Variants in EBF2 observed in about 807,000 individuals in gnomAD.
EBF2 encodes the protein transcription factor COE2.
Under a neutral mutation model 72.8 loss-of-function variants are expected in EBF2, and 21 were observed. That is an observed-to-expected ratio of 0.29 (90% CI 0.20 to 0.42). The LOEUF (loss-of-function observed/expected upper bound fraction) is 0.42, where lower values mean the gene tolerates loss of function less well. EBF2 is among the 10% of genes least tolerant of loss of function. The pLI, the probability that EBF2 is intolerant of heterozygous loss-of-function variation, is 1.00. For missense variants in EBF2, 637 were observed against 731.2 expected, an observed-to-expected ratio of 0.87 and a Z score of 1.49; for synonymous variants, 299 against 274.2, an observed-to-expected ratio of 1.09 and a Z score of -0.89.
intron 6 of EBF2, among the ~76,000 whole-genome samples, chr8:26,010,352 C>G (rs1804957730): frequency 6.6e-6 from 1 of 152,216 alleles, no homozygotes; most frequent in Admixed American, 6.5e-5. Context: ...TTTCAGGGGC[C>G]CATCAGGGCG....
rs532406564 is a variant in EBF2 at position 25,874,489 on chromosome 8, G to A, written c.1010-11692C>T. On this transcript the variant is annotated intron_variant, in intron 10 of 15. Transcript: ENST00000520164. ...GGGGGTTAGTTAGCATGAATTATCT[G>A]GTTTCTTGGTGCATCTCAACTAGCA... Among the ~76,000 whole-genome samples the A allele has an allele frequency of 2.4e-4, 36 of 152,114 alleles. No homozygotes were observed. The South Asian group carries it at 7.3e-3, about 31-fold the overall frequency.
chr8:26,011,927 CT>C (rs1381978160), intron 6 of EBF2, among the ~76,000 whole-genome samples: 1 of 152,060 alleles, frequency 6.6e-6, no homozygotes, highest in Admixed American at 6.6e-5. Flanking sequence ...ATGCCTCCTC[CT>C]GAGTGGGTTA....
At chr8:25,919,507 G>A (rs1290846386) in intron 6 of EBF2, among the ~76,000 whole-genome samples, 1 of 152,122 alleles carries the variant, frequency 6.6e-6, no homozygotes, top group East Asian at 1.9e-4. Context: ...AATGTGTTTA[G>A]CTTTCTATTA....
At chr8:26,033,009 A>G (rs1805434381) in intron 6 of EBF2, 76 bp downstream of exon 6, 30 of 1,375,950 alleles carry the variant, frequency 2.2e-5, no homozygotes, top group Non-Finnish European at 3.0e-5. Context: ...GCAAAGCTCC[A>G]TGGATCAGTA....
chr8:25,999,983 A>C (rs962047547), intron 6 of EBF2, among the ~76,000 whole-genome samples: 7 of 152,142 alleles, frequency 4.6e-5, no homozygotes, highest in African/African-American at 1.7e-4. Context: ...CAACTCAAAA[A>C]CAAGGGACCT....
chr8:25,951,889 T>G (rs75127343), intron 6 of EBF2, among the ~76,000 whole-genome samples: 171 of 152,312 alleles, frequency 1.1e-3, no homozygotes, highest in African/African-American at 3.7e-3. Context: ...CGGAAATCAT[T>G]TTTCATTAAT....
intron 5 of EBF2, among the ~76,000 whole-genome samples, chr8:26,036,411 T>C (rs1478269871): frequency 1.3e-5 from 2 of 152,166 alleles, no homozygotes; most frequent in East Asian, 3.8e-4. Flanking sequence ...GCACAAAACA[T>C]ACATAGAACA....
chr8:25,914,182 C>T (rs4577965), intron 6 of EBF2, among the ~76,000 whole-genome samples: 80,334 of 152,130 alleles, frequency 0.53, 23,813 homozygotes, highest in East Asian at 0.74. Flanking sequence ...CTCATAGCAA[C>T]TCACTCTGCT....
chr8:26,005,561 T>G (rs190244548), intron 6 of EBF2, among the ~76,000 whole-genome samples: 33,911 of 63,972 alleles, frequency 0.53, 9,530 homozygotes, highest in Non-Finnish European at 0.57. Context: ...TATATATATA[T>G]AGAGAGAGAG....
intron 7 of EBF2, among the ~76,000 whole-genome samples, chr8:25,902,005 A>G (rs1483552309): frequency 6.6e-6 from 1 of 152,180 alleles, no homozygotes; most frequent in Non-Finnish European, 1.5e-5. Flanking sequence ...ACAGAATTTC[A>G]TCAGTAATAT....
chr8:25,968,784 C>G (rs1252993164), intron 6 of EBF2, among the ~76,000 whole-genome samples: 2 of 152,138 alleles, frequency 1.3e-5, no homozygotes, highest in African/African-American at 4.8e-5. Context: ...TCTTGAAGTC[C>G]TGACCTCAAG....
rs534694035 is a variant in EBF2 at position 25,976,531 on chromosome 8, A to G, written c.551+56554T>C. On this transcript the variant is annotated intron_variant, in intron 6 of 15. Coordinates refer to ENST00000520164, the MANE Select transcript of EBF2 (RefSeq NM_022659.4). ...CGACTGAGGACTAATAATATTTGGA[A>G]ATGATTTCCTGTATTTCTTCTTTAC... 1.2e-4 allele frequency among the ~76,000 whole-genome samples: 19 copies of G among 152,338 alleles called. No individual in the cohort carries two copies. The South Asian group carries it at 3.7e-3, about 30-fold the overall frequency.
chr8:25,928,052 A>C (rs1472201753), intron 6 of EBF2, among the ~76,000 whole-genome samples: 1 of 152,172 alleles, frequency 6.6e-6, no homozygotes, highest in Non-Finnish European at 1.5e-5. Flanking sequence ...TATCCTCCAC[A>C]CAAAGGTAGC....
At chr8:26,023,837 G>C (rs1462476654) in intron 6 of EBF2, among the ~76,000 whole-genome samples, 1 of 152,074 alleles carries the variant, frequency 6.6e-6, no homozygotes, top group African/African-American at 2.4e-5. Flanking sequence ...TTTCCCTCCA[G>C]TGGCTGATAC....
chr8:25,865,556 A>G (rs1802294416), intron 10 of EBF2, among the ~76,000 whole-genome samples: 1 of 152,050 alleles, frequency 6.6e-6, no homozygotes, highest in Admixed American at 6.5e-5. Context: ...AACTATTTCT[A>G]TAATGTCCTC....
chr8:25,916,563 GC>G (rs1291056478), intron 6 of EBF2, among the ~76,000 whole-genome samples: 2 of 151,838 alleles, frequency 1.3e-5, no homozygotes, highest in Non-Finnish European at 2.9e-5. Context: ...GGTCCTCTCT[GC>G]CCTGCTTATC....
rs534644613 is a variant in EBF2, at chr8:25,994,655, G to C, written c.551+38430C>G. On this transcript the variant is annotated intron_variant, in intron 6 of 15. Coordinates refer to ENST00000520164, the MANE Select transcript of EBF2 (RefSeq NM_022659.4). ...TTTTGCAACAATGTGGATACAGCTG[G>C]AGGCCATTATTCTAAGTGAATTAAC... is the stretch of plus-strand genomic sequence containing the variant. Among the ~76,000 whole-genome samples the C allele has an allele frequency of 7.9e-5, 12 of 152,296 alleles. No homozygotes were observed. In the South Asian group the frequency reaches 2.3e-3, roughly 29 times the overall value.
In EBF2 at chr8:25,861,061, C is replaced by T. The variant is rs1167956201; in HGVS notation, c.1330G>A (p.Gly444Arg). The change falls in exon 13 of 16, where the codon GGA (glycine) becomes AGA (arginine). Residue 444 changes from glycine to arginine, a missense_variant. Gly to Arg is a moderately radical substitution (Grantham distance 125, BLOSUM62 -2). This residue lies in a region of EBF2 where 259 missense variants were observed against 268.1 expected (regional missense o/e 0.97). Coordinates refer to ENST00000520164, the MANE Select transcript of EBF2 (RefSeq NM_022659.4). ...LGVSISESTQ[G>R]NNQGYIRNTS... is the part of the protein sequence containing the mutation. ...AGAAAGGTGGTACCTTGATTATTTC[C>T]TTGTGTTGACTCTGAGATGCTGACC... 1 of 1,614,040 alleles carries T rather than the reference C, an allele frequency of 6.2e-7. No homozygotes were observed.
At chr8:25,939,976 A>G (rs771390336) in intron 6 of EBF2, among the ~76,000 whole-genome samples, 1 of 152,330 alleles carries the variant, frequency 6.6e-6, no homozygotes, top group African/African-American at 2.4e-5. Flanking sequence ...CCCATTGTCA[A>G]GGGTGCCATA....
Sources: allele counts gnomAD v4.1 joint callset (sites outside exome capture counted in the v4.1 genomes callset), GRCh38; gene constraint gnomAD v4.1.1; regional missense constraint gnomAD v4.1.1; transcripts MANE v1.5; gene names NCBI Gene and HGNC (gene_info 2026-07-23, HGNC 2026-07-21).